DHRS7B: variants seen among roughly 807,000 people sequenced by gnomAD.
The protein encoded by DHRS7B is dehydrogenase/reductase 7B, also known as peroxisomal reductase activating PPAR-gamma.
A neutral mutation model predicts 26.4 loss-of-function variants in DHRS7B; 24 were observed. The observed-to-expected ratio is 0.91, with a 90% CI of 0.66 to 1.28. DHRS7B has a LOEUF of 1.28. Among genes scored for constraint, DHRS7B ranks in the 50% most tolerant of loss-of-function variants. The probability of loss-of-function intolerance (pLI) is 0.00; values close to 1 mark genes in which losing one functional copy is unlikely to be tolerated. For synonymous variants in DHRS7B, 142 were observed against 166.4 expected, an observed-to-expected ratio of 0.85 and a Z score of 1.13; for missense variants, 368 against 419.4, an observed-to-expected ratio of 0.88 and a Z score of 1.07.
rs1449609485 is a variant in DHRS7B at position 21,138,099 on chromosome 17, T to TACAC, written c.20+11109_20+11110insCACA. ...AAATATATATATATATATATATATA[T>TACAC]ATACACACACACACACACACACACA... On this transcript the variant is annotated intron_variant, in intron 1 of 6. Transcript: ENST00000395511. 2.3e-3 allele frequency among the ~76,000 whole-genome samples: 200 copies of TACAC among 87,664 alleles called. 2 individuals are homozygous for TACAC. The highest frequency in any genetic ancestry group is 8.5e-3 in the African/African-American group (159 of 18,706). The allele number at this position is 87,664 out of a possible 152,430, so 57.5% of individuals were successfully genotyped here.
intron 1 of DHRS7B, among the ~76,000 whole-genome samples, chr17:21,150,121 A>C (rs1015282636): frequency 4.7e-5 from 7 of 150,014 alleles, no homozygotes; most frequent in African/African-American, 9.8e-5. Flanking sequence ...AAAAAAAAAA[A>C]AAAAAAAAAA....
chr17:21,158,914 A>C (rs1433564402), intron 1 of DHRS7B, among the ~76,000 whole-genome samples: 4 of 152,004 alleles, frequency 2.6e-5, no homozygotes, highest in African/African-American at 9.7e-5. Context: ...TTGACAATGG[A>C]GAAAAGATAG....
chr17:21,155,310 T>C (rs1194830179), intron 1 of DHRS7B, among the ~76,000 whole-genome samples: 1 of 152,212 alleles, frequency 6.6e-6, no homozygotes, highest in East Asian at 1.9e-4. Flanking sequence ...AGATCCACCA[T>C]ACTAACACTA....
At chr17:21,172,934 G>A (rs1763055710) in intron 2 of DHRS7B, among the ~76,000 whole-genome samples, 1 of 152,176 alleles carries the variant, frequency 6.6e-6, no homozygotes, top group Non-Finnish European at 1.5e-5. Context: ...TATTGACTTG[G>A]CACGTTGCAC....
chr17:21,179,734 T>C (rs1974470794), intron 3 of DHRS7B, among the ~76,000 whole-genome samples: 1 of 152,098 alleles, frequency 6.6e-6, no homozygotes, highest in Non-Finnish European at 1.5e-5. Flanking sequence ...TTGCAAATAT[T>C]TTCTCTCACT....
chr17:21,158,773 G>A (rs939552989), intron 1 of DHRS7B, among the ~76,000 whole-genome samples: 3 of 152,066 alleles, frequency 2.0e-5, no homozygotes, highest in African/African-American at 7.2e-5. Flanking sequence ...GAGGACTGAC[G>A]CTACCTGACT....
intron 1 of DHRS7B, chr17:21,171,576 C>T (rs974830966): frequency 2.7e-5 from 8 of 297,404 alleles, no homozygotes; most frequent in East Asian, 8.5e-5. Flanking sequence ...AGAATTGGTA[C>T]GACTTCCTTT....
At chr17:21,190,551 C>T (rs532155075) in intron 6 of DHRS7B, among the ~76,000 whole-genome samples, 20 of 152,304 alleles carry the variant, frequency 1.3e-4, no homozygotes, top group Admixed American at 7.8e-4. Context: ...AATAGGCACA[C>T]GTTTCCCAGG....
Position 21,155,502 on chromosome 17 carries a change from C to T in DHRS7B, c.21-16516C>T, listed in dbSNP as rs78812341. ...TGTGAGGCAAAAACTGATGGAACTGCAGGGAGAAAGAGATGAATCCACTAT... is the reference window on the plus strand; with the variant it reads ...TGTGAGGCAAAAACTGATGGAACTGTAGGGAGAAAGAGATGAATCCACTAT... On this transcript the variant is annotated intron_variant, in intron 1 of 6. Coordinates refer to ENST00000395511, the MANE Select transcript of DHRS7B (RefSeq NM_015510.5). 4.0e-3 allele frequency among the ~76,000 whole-genome samples: 606 copies of T among 152,244 alleles called. 24 individuals are homozygous for T. In the East Asian group the frequency reaches 0.098, roughly 25 times the overall value.
rs1567616081 is a variant in DHRS7B at position 21,138,089 on chromosome 17, T to TACACAC, written c.20+11099_20+11100insCACACA. Among the ~76,000 whole-genome samples the TACACAC allele has an allele frequency of 8.2e-3, 472 of 57,462 alleles. 4 individuals carry two copies. The highest frequency in any genetic ancestry group is 0.034 in the African/African-American group (444 of 13,076). The allele number at this position is 57,462 out of a possible 152,430, so 37.7% of individuals were successfully genotyped here. A position where few individuals can be genotyped will look rare whatever the true frequency, so the allele number is the denominator to read the frequency against. ...TTTAAAAAAAAAATATATATATATA[T>TACACAC]ATATATATATATACACACACACACA... On this transcript the variant is annotated intron_variant, in intron 1 of 6. Transcript: ENST00000395511.
At chr17:21,172,246 G>A in intron 2 of DHRS7B, 50 bp downstream of exon 2, 7 of 1,563,096 alleles carry the variant, frequency 4.5e-6, no homozygotes, top group Non-Finnish European at 6.1e-6. Context: ...GTCAGCCAGG[G>A]ATGAGGAGCG....
chr17:21,174,746 A>G (rs140816850), intron 2 of DHRS7B, among the ~76,000 whole-genome samples: 2 of 152,324 alleles, frequency 1.3e-5, no homozygotes, highest in East Asian at 1.9e-4. Flanking sequence ...TGTCCTATGT[A>G]TTGGTCAGGA....
chr17:21,180,917 G>T (rs752363139), intron 3 of DHRS7B, among the ~76,000 whole-genome samples: 15 of 152,078 alleles, frequency 9.9e-5, no homozygotes, highest in African/African-American at 3.4e-4. Flanking sequence ...TCAACAACAC[G>T]GTCTTCCAGT....
intron 1 of DHRS7B, chr17:21,127,310 C>T (rs571941342): frequency 5.3e-5 from 20 of 376,480 alleles, no homozygotes; most frequent in African/African-American, 4.0e-4. Context: ...CCACAGGGCT[C>T]CTGGCTTCAA....
chr17:21,166,594 G>A (rs1567624740), intron 1 of DHRS7B: 1 of 429,508 alleles, frequency 2.3e-6, no homozygotes, highest in Non-Finnish European at 3.1e-6. Flanking sequence ...AATGACAGAA[G>A]CTTTCAGATA....
intron 6 of DHRS7B, among the ~76,000 whole-genome samples, chr17:21,189,199 C>T (rs747984293): frequency 7.9e-5 from 12 of 152,154 alleles, no homozygotes; most frequent in Admixed American, 1.3e-4. Flanking sequence ...GGAGTATTAT[C>T]GGCATCGGGA....
At chr17:21,141,843 C>A (rs142427398) in intron 1 of DHRS7B, among the ~76,000 whole-genome samples, 1 of 152,018 alleles carries the variant, frequency 6.6e-6, no homozygotes, top group Non-Finnish European at 1.5e-5. Context: ...CCCAGCAAAT[C>A]GTCCTATTGG....
At chr17:21,174,633 A>C (rs1974333323) in intron 2 of DHRS7B, among the ~76,000 whole-genome samples, 1 of 152,218 alleles carries the variant, frequency 6.6e-6, no homozygotes, top group South Asian at 2.1e-4. Flanking sequence ...AGCAAAACTC[A>C]AACAGGTTTG....
rs750684427 is a variant in DHRS7B, at chr17:21,172,211, C to T, written c.199+15C>T. ...GCTGGGCAAAGGTGGGTCCTGGAGGCAGTGCTGCCAGGGGGCGGGGGTAAG... is the reference window on the plus strand; with the variant it reads ...GCTGGGCAAAGGTGGGTCCTGGAGGTAGTGCTGCCAGGGGGCGGGGGTAAG... On this transcript the variant is annotated intron_variant, in intron 2 of 6. Coordinates refer to ENST00000395511, the MANE Select transcript of DHRS7B (RefSeq NM_015510.5). 1.2e-6 allele frequency: 2 copies of T among 1,601,470 alleles called. No homozygotes were observed. The highest frequency in any genetic ancestry group is 2.7e-5 in the African/African-American group (2 of 74,642).
Sources: gnomAD v4.1 joint callset for allele counts (sites outside exome capture counted in the v4.1 genomes callset) on GRCh38, gnomAD v4.1.1 for gene constraint, MANE v1.5 for transcripts, NCBI Gene and HGNC (gene_info 2026-07-23, HGNC 2026-07-21) for gene names.